The following RBFOX1 variants were observed in gnomAD, a reference collection of about 807,000 sequenced individuals.
The protein encoded by RBFOX1 is RNA binding protein fox-1 homolog 1.
In RBFOX1, 8 loss-of-function variants were observed where a neutral mutation model predicts 57.7. That is an observed-to-expected ratio of 0.14 (90% CI 0.08 to 0.25). RBFOX1 has a LOEUF of 0.25. Ranked by LOEUF, RBFOX1 falls within the 10% of genes least tolerant of loss-of-function variation. The pLI, the probability that RBFOX1 is intolerant of heterozygous loss-of-function variation, is 1.00. For synonymous variants in RBFOX1, 326 were observed against 222.4 expected, an observed-to-expected ratio of 1.47 and a Z score of -4.15; for missense variants, 611 against 548.5, an observed-to-expected ratio of 1.11 and a Z score of -1.14.
At chr16:5,449,621 G>GT (rs1233718767) in intron 1 of RBFOX1, among the ~76,000 whole-genome samples, 3 of 152,062 alleles carry the variant, frequency 2.0e-5, no homozygotes, top group Non-Finnish European at 4.4e-5. Context: ...CTCTAGCTTT[G>GT]TTTTTTGAGA....
chr16:5,368,953 C>A (rs556181206), intron 1 of RBFOX1, among the ~76,000 whole-genome samples: 6 of 152,164 alleles, frequency 3.9e-5, no homozygotes, highest in Non-Finnish European at 8.8e-5. Flanking sequence ...CTTTAGCTCA[C>A]GTTCTTGGTA....
chr16:7,647,066 G>C (rs1382780685), intron 11 of RBFOX1, among the ~76,000 whole-genome samples: 1 of 152,106 alleles, frequency 6.6e-6, no homozygotes, highest in Non-Finnish European at 1.5e-5. Flanking sequence ...CGTGATACTT[G>C]AGCACCACCA....
In RBFOX1 at chr16:7,676,759, C is replaced by G. The variant is rs777893773; in HGVS notation, c.931-15C>G. 2.5e-6 allele frequency: 4 copies of G among 1,609,218 alleles called. No homozygotes were observed. Among genetic ancestry groups the G allele is most frequent in the South Asian group, 1.1e-5 (1 of 90,952 alleles). On this transcript the variant is annotated splice_polypyrimidine_tract_variant and intron_variant, in intron 13 of 15. Transcript: ENST00000550418. The stretch of plus-strand genomic sequence containing the variant: ...TCCGCTACATTCCTGAGTCACATTT[C>G]TCCTTGTGTTTTAGGGTGGTTATGC...
At chr16:5,360,494 A>G (rs1177039221) in intron 1 of RBFOX1, among the ~76,000 whole-genome samples, 2 of 152,172 alleles carry the variant, frequency 1.3e-5, no homozygotes, top group African/African-American at 4.8e-5. Flanking sequence ...GTAATGGGAG[A>G]GAGTGCACCT....
At chr16:6,292,667 T>C (rs1490386469) in intron 1 of RBFOX1, among the ~76,000 whole-genome samples, 3 of 152,210 alleles carry the variant, frequency 2.0e-5, no homozygotes, top group African/African-American at 4.8e-5. Flanking sequence ...TTTTTGCTCC[T>C]TCTAGGCGAA....
intron 1 of RBFOX1, among the ~76,000 whole-genome samples, chr16:6,031,570 T>A (rs1398336590): frequency 6.6e-6 from 1 of 152,214 alleles, no homozygotes; most frequent in Non-Finnish European, 1.5e-5. Flanking sequence ...CATGAGTGGA[T>A]GTGCACACAC....
At chr16:5,964,230 C>G (rs1240831098) in intron 4 of RBFOX1, among the ~76,000 whole-genome samples, 1 of 152,098 alleles carries the variant, frequency 6.6e-6, no homozygotes, top group East Asian at 1.9e-4. Context: ...TGGCTGTTGT[C>G]CAAAGGCCAA....
intron 2 of RBFOX1, among the ~76,000 whole-genome samples, chr16:6,388,298 T>G (rs2092410818): frequency 6.6e-6 from 1 of 151,922 alleles, no homozygotes; most frequent in Non-Finnish European, 1.5e-5. Context: ...GTGTTTGAAC[T>G]TGGGGGACGT....
intron 1 of RBFOX1, among the ~76,000 whole-genome samples, chr16:5,324,424 C>G (rs547950380): frequency 6.6e-4 from 101 of 152,148 alleles, no homozygotes; most frequent in Non-Finnish European, 1.1e-3. Flanking sequence ...GATCACGACA[C>G]TGCACTCCAG....
intron 3 of RBFOX1, among the ~76,000 whole-genome samples, chr16:5,691,613 A>G (rs3859165): frequency 0.67 from 101,916 of 152,058 alleles, 35,371 homozygotes; most frequent in Non-Finnish European, 0.75. Context: ...TCAGTTGAGC[A>G]TCTCTAATCC....
intron 4 of RBFOX1, among the ~76,000 whole-genome samples, chr16:7,384,346 CGAG>C (rs2097842548): frequency 6.6e-6 from 1 of 151,950 alleles, no homozygotes; most frequent in African/African-American, 2.4e-5. Flanking sequence ...ATATGAAAAA[CGAG>C]GAATATATAG....
intron 3 of RBFOX1, among the ~76,000 whole-genome samples, chr16:6,812,956 T>C (rs1363397324): frequency 6.6e-6 from 1 of 152,172 alleles, no homozygotes; most frequent in Non-Finnish European, 1.5e-5. Flanking sequence ...AATAGGGAAG[T>C]AAAGGAAGAT....
intron 2 of RBFOX1, among the ~76,000 whole-genome samples, chr16:6,361,560 G>A (rs768983683): frequency 1.6e-4 from 24 of 151,602 alleles, no homozygotes; most frequent in East Asian, 5.8e-4. Context: ...CCCAGGAGGC[G>A]GAGGTTGCAG....
chr16:7,227,613 G>A (rs2093225404), intron 4 of RBFOX1, among the ~76,000 whole-genome samples: 1 of 152,160 alleles, frequency 6.6e-6, no homozygotes, highest in Non-Finnish European at 1.5e-5. Flanking sequence ...GCACGCGCAA[G>A]CATTCCAAGC....
At chr16:6,009,290 T>C (rs2094946057) in intron 4 of RBFOX1, among the ~76,000 whole-genome samples, 1 of 152,144 alleles carries the variant, frequency 6.6e-6, no homozygotes, top group African/African-American at 2.4e-5. Context: ...TGCCAACTCA[T>C]TTTCACGTGG....
intron 3 of RBFOX1, among the ~76,000 whole-genome samples, chr16:6,943,872 G>A (rs1001319756): frequency 5.3e-5 from 8 of 152,066 alleles, no homozygotes; most frequent in Non-Finnish European, 1.0e-4. Flanking sequence ...GTACCTCACT[G>A]CTGATTTCTA....
intron 4 of RBFOX1, among the ~76,000 whole-genome samples, chr16:7,223,709 T>G (rs1235796135): frequency 9.7e-6 from 1 of 103,148 alleles, no homozygotes; most frequent in Non-Finnish European, 2.0e-5. Context: ...CGTCAGTGTT[T>G]CAGAAAAAAA....
chr16:5,744,018 G>T (rs950044168), intron 3 of RBFOX1, among the ~76,000 whole-genome samples: 3 of 152,188 alleles, frequency 2.0e-5, no homozygotes, highest in Admixed American at 1.3e-4. Context: ...AATAGAGAAA[G>T]ACTCCTGGAG....
intron 4 of RBFOX1, among the ~76,000 whole-genome samples, chr16:7,052,682 C>G (rs1320735260): frequency 6.6e-6 from 1 of 152,116 alleles, no homozygotes; most frequent in African/African-American, 2.4e-5. Flanking sequence ...GAAGTATTCC[C>G]TAGATGTGCA....
Sources: gnomAD v4.1 joint callset for allele counts (sites outside exome capture counted in the v4.1 genomes callset) on GRCh38, gnomAD v4.1.1 for gene constraint, MANE v1.5 for transcripts, NCBI Gene and HGNC (gene_info 2026-07-23, HGNC 2026-07-21) for gene names.